Variants in KLHDC1 observed in about 807,000 individuals in gnomAD.
KLHDC1 encodes kelch domain containing 1, also known as kelch domain-containing protein 1.
A neutral mutation model predicts 68.3 loss-of-function variants in KLHDC1; 53 were observed. The observed-to-expected ratio is 0.78, with a 90% confidence interval of 0.62 to 0.98. KLHDC1 has a LOEUF of 0.98. KLHDC1 is among the 50% of genes least tolerant of loss of function. The pLI, the probability that KLHDC1 is intolerant of heterozygous loss-of-function variation, is 0.00. For missense variants in KLHDC1, 470 were observed against 492.3 expected, an observed-to-expected ratio of 0.95 and a Z score of 0.43; for synonymous variants, 148 against 159.0, an observed-to-expected ratio of 0.93 and a Z score of 0.52.
At chr14:49,717,864 A>G (rs1415462866) in intron 4 of KLHDC1, among the ~76,000 whole-genome samples, 1 of 151,758 alleles carries the variant, frequency 6.6e-6, no homozygotes, top group Non-Finnish European at 1.5e-5. Flanking sequence ...CAGATTTTCT[A>G]TTTTTTCTTG....
chr14:49,706,787 GAA>G (rs1888061316), intron 1 of KLHDC1, among the ~76,000 whole-genome samples: 1 of 152,178 alleles, frequency 6.6e-6, no homozygotes, highest in African/African-American at 2.4e-5. Flanking sequence ...CTTCTTTGGA[GAA>G]ATGTGTATAC....
chr14:49,728,491 TG>T (rs1456738660), intron 6 of KLHDC1, among the ~76,000 whole-genome samples: 1 of 152,214 alleles, frequency 6.6e-6, no homozygotes, highest in African/African-American at 2.4e-5. Flanking sequence ...CCAAGAGTTT[TG>T]GGGCCATTTT....
chr14:49,721,476 C>G (rs1888524353), intron 4 of KLHDC1, among the ~76,000 whole-genome samples: 1 of 152,212 alleles, frequency 6.6e-6, no homozygotes, highest in Non-Finnish European at 1.5e-5. Context: ...GATCTTCTGT[C>G]TGAAAGAACA....
intron 5 of KLHDC1, 69 bp downstream of exon 5, chr14:49,724,021 G>T: frequency 1.2e-6 from 1 of 834,146 alleles, no homozygotes; most frequent in South Asian, 1.7e-5. Flanking sequence ...GAAATAATGA[G>T]TCTAGTCTTT....
chr14:49,709,117 G>A (rs766686363), intron 1 of KLHDC1, 42 bp from the exon 2 acceptor site: 4 of 844,302 alleles, frequency 4.7e-6, no homozygotes, highest in Admixed American at 4.4e-5. Flanking sequence ...ACTGTTTGCT[G>A]TGTAACTGAT....
chr14:49,694,810 C>A (rs1391677706), intron 1 of KLHDC1, among the ~76,000 whole-genome samples: 1 of 152,102 alleles, frequency 6.6e-6, no homozygotes, highest in Admixed American at 6.5e-5. Context: ...GCCAAGATTG[C>A]GCCATTGCAT....
intron 12 of KLHDC1, among the ~76,000 whole-genome samples, chr14:49,749,021 G>A (rs978645933): frequency 3.9e-5 from 6 of 151,922 alleles, no homozygotes; most frequent in African/African-American, 9.7e-5. Flanking sequence ...GCCTGGTCTC[G>A]AACTCCTGAC....
At chr14:49,747,362 C>G (rs909700010) in intron 12 of KLHDC1, among the ~76,000 whole-genome samples, 1 of 152,156 alleles carries the variant, frequency 6.6e-6, no homozygotes, top group East Asian at 1.9e-4. Flanking sequence ...GGGAAGAGCA[C>G]CAAGACCGAG....
At chr14:49,724,586 AT>A (rs1411683203) in intron 5 of KLHDC1, among the ~76,000 whole-genome samples, 1 of 151,946 alleles carries the variant, frequency 6.6e-6, no homozygotes, top group African/African-American at 2.4e-5. Flanking sequence ...CATTTCATGT[AT>A]ATTGCTTTGT....
intron 8 of KLHDC1, among the ~76,000 whole-genome samples, chr14:49,732,431 C>A (rs1212713963): frequency 7.2e-5 from 11 of 152,216 alleles, no homozygotes; most frequent in Admixed American, 6.5e-4. Flanking sequence ...CCTTGACCTC[C>A]CAAAGTGTTG....
Position 49,709,326 on chromosome 14 carries a change from G to A in KLHDC1, c.167+97G>A, listed in dbSNP as rs146259292. 3.5e-4 allele frequency: 201 copies of A among 574,956 alleles called. 3 individuals carry two copies. The East Asian group carries it at 4.8e-3, about 14-fold the overall frequency. 35.6% of individuals were successfully genotyped at this position (574,956 alleles called of 1,614,324 possible). A position where few individuals can be genotyped will look rare whatever the true frequency, so the allele number is the denominator to read the frequency against. On this transcript the variant is annotated intron_variant, in intron 2 of 12. Coordinates refer to ENST00000359332, the MANE Select transcript of KLHDC1 (RefSeq NM_172193.3). The stretch of plus-strand genomic sequence containing the variant: ...TTTGAGACCATACTTTGAACATACT[G>A]CAACATTTTTGAAGTCTCCCTTTCC...
At chr14:49,742,320 T>C (rs1259566024) in intron 11 of KLHDC1, among the ~76,000 whole-genome samples, 1 of 152,210 alleles carries the variant, frequency 6.6e-6, no homozygotes, top group African/African-American at 2.4e-5. Context: ...CATTAACTTT[T>C]AGATGAGAGA....
chr14:49,739,962 T>C, intron 10 of KLHDC1, 136 bp from the exon 11 acceptor site: 1 of 528,964 alleles, frequency 1.9e-6, no homozygotes, highest in South Asian at 3.2e-5. Flanking sequence ...TTTTAGGATA[T>C]TCCAAAGGTT....
chr14:49,724,635 T>C (rs1888620068), intron 5 of KLHDC1, among the ~76,000 whole-genome samples: 1 of 152,080 alleles, frequency 6.6e-6, no homozygotes, highest in Admixed American at 6.6e-5. Flanking sequence ...GTTTCTATGT[T>C]GTTTTTGAGT....
chr14:49,742,621 C>T lies in KLHDC1; in HGVS notation c.982-1132C>T, dbSNP rs144207487. Among the ~76,000 whole-genome samples, 783 of 146,248 alleles carry T rather than the reference C, an allele frequency of 5.4e-3. 4 individuals carry two copies. The highest frequency in any genetic ancestry group is 0.016 in the African/African-American group (640 of 39,484). ...CCGGGAGGCAGAGGTTGCGGTGAGC[C>T]GAGATCGCACCACCGCACTCTAGCC... On this transcript the variant is annotated intron_variant, in intron 11 of 12. Coordinates refer to ENST00000359332, the MANE Select transcript of KLHDC1 (RefSeq NM_172193.3).
intron 11 of KLHDC1, 140 bp from the exon 12 acceptor site, chr14:49,743,611 ATG>A (rs1889121440): frequency 5.3e-6 from 3 of 570,966 alleles, no homozygotes; most frequent in Admixed American, 3.3e-5. Context: ...GCATGAATTT[ATG>A]TGTGTGTGTC....
chr14:49,738,381 C>T (rs1402644117), intron 10 of KLHDC1, among the ~76,000 whole-genome samples: 1 of 149,910 alleles, frequency 6.7e-6, no homozygotes, highest in African/African-American at 2.5e-5. Context: ...CTCTGTCACC[C>T]AGGCTGGGGT....
intron 12 of KLHDC1, among the ~76,000 whole-genome samples, chr14:49,746,950 C>CTTT (rs527399327): frequency 1.4e-5 from 2 of 139,124 alleles, no homozygotes; most frequent in Non-Finnish European, 3.1e-5. Context: ...AGCTTTCTCT[C>CTTT]TTTTTTTTTT....
intron 6 of KLHDC1, among the ~76,000 whole-genome samples, chr14:49,726,096 C>A (rs1888665815): frequency 6.6e-6 from 1 of 152,216 alleles, no homozygotes; most frequent in Non-Finnish European, 1.5e-5. Context: ...TATCTACCCA[C>A]CTTAGCCTTG....
Sources: gnomAD v4.1 joint callset for allele counts (sites outside exome capture counted in the v4.1 genomes callset) on GRCh38, gnomAD v4.1.1 for gene constraint, MANE v1.5 for transcripts, NCBI Gene and HGNC (gene_info 2026-07-23, HGNC 2026-07-21) for gene names.